Variants in SMPD4 observed in about 807,000 individuals in gnomAD.
The protein encoded by SMPD4 is neutral sphingomyelinase 3.
In SMPD4, 58 loss-of-function variants were observed where a neutral mutation model predicts 97.8. The ratio of observed to expected loss-of-function variants is 0.59; its 90% confidence interval spans 0.48 to 0.74. SMPD4 has a LOEUF of 0.74. Among genes scored for constraint, SMPD4 ranks in the 30% least tolerant of loss-of-function variants. The probability of loss-of-function intolerance (pLI) is 0.00; values close to 1 mark genes in which losing one functional copy is unlikely to be tolerated. For synonymous variants in SMPD4, 388 were observed against 450.0 expected (o/e 0.86, Z 1.74); for missense variants, 853 against 1,080.5 (o/e 0.79, Z 2.95).
intron 10 of SMPD4, among the ~76,000 whole-genome samples, chr2:130,162,461 C>G (rs1447561386): frequency 2.6e-5 from 4 of 152,142 alleles, no homozygotes; most frequent in African/African-American, 9.7e-5. Flanking sequence ...CCCTCCACAG[C>G]CTTCCTCTGT....
chr2:130,152,347 G>A lies in SMPD4; in HGVS notation c.*208C>T. 1.6e-6 allele frequency: 1 copy of A among 606,450 alleles called. No individual in the cohort carries two copies. The allele number at this position is 606,450 out of a possible 1,614,324, so 37.6% of individuals were successfully genotyped here. ...CGCTGTCACAGAGCGTAGCTGTTGA[G>A]CCCTGGCAGCTACTCCTTTGCTGGG... On this transcript the variant is annotated 3_prime_UTR_variant, in exon 20 of 20. Transcript: ENST00000680298.
At chr2:130,154,810 G>A (rs1408225806) in intron 15 of SMPD4, 2 of 597,254 alleles carry the variant, frequency 3.3e-6, no homozygotes, top group Non-Finnish European at 5.9e-6. Flanking sequence ...CGAGTTGCCA[G>A]GGAGAAACAG....
chr2:130,173,978 A>AC (rs201337297), intron 3 of SMPD4, among the ~76,000 whole-genome samples: 3 of 152,112 alleles, frequency 2.0e-5, no homozygotes, highest in East Asian at 1.9e-4. Context: ...AATTTAAAAA[A>AC]AAACAAACAA....
Position 130,153,182 on chromosome 2 carries a change from A to C in SMPD4, c.2026-11T>G. On this transcript the variant is annotated splice_polypyrimidine_tract_variant and intron_variant, in intron 18 of 19. Coordinates refer to ENST00000680298, the MANE Select transcript of SMPD4 (RefSeq NM_017951.5). ...CAGCCCATTGATGATCTAGAAAGCC[A>C]GGCCATGGGGATGGGTCAGAAAACA... 6.2e-7 allele frequency: 1 copy of C among 1,613,724 alleles called. No individual in the cohort carries two copies. Among genetic ancestry groups the C allele is most frequent in the Non-Finnish European group, 8.5e-7 (1 of 1,179,996 alleles).
At chr2:130,153,607 C>T in intron 17 of SMPD4, 95 bp downstream of exon 17, 1 of 1,551,138 alleles carries the variant, frequency 6.4e-7, no homozygotes, top group Non-Finnish European at 8.8e-7. Context: ...TGTGTGGGGC[C>T]TGGGACTGGT....
At chr2:130,163,195 A>T (rs1283064931) in intron 10 of SMPD4, among the ~76,000 whole-genome samples, 3 of 152,242 alleles carry the variant, frequency 2.0e-5, no homozygotes, top group Non-Finnish European at 2.9e-5. Flanking sequence ...GCCCCACGGG[A>T]GGAGCAGGCT....
chr2:130,175,594 T>C (rs2104913961), intron 2 of SMPD4, among the ~76,000 whole-genome samples: 1 of 152,248 alleles, frequency 6.6e-6, no homozygotes, highest in Admixed American at 6.5e-5. Flanking sequence ...ACACTAATCA[T>C]GAAGGCAATG....
At chr2:130,161,989 G>C (rs1265012890) in intron 10 of SMPD4, among the ~76,000 whole-genome samples, 7 of 152,246 alleles carry the variant, frequency 4.6e-5, no homozygotes, top group Admixed American at 4.6e-4. Flanking sequence ...CCCAAGGGTA[G>C]CACAGAGACG....
chr2:130,155,924 G>T lies in SMPD4; in HGVS notation c.1289+111C>A. 6 of 1,090,028 alleles carry T rather than the reference G, an allele frequency of 5.5e-6. No individual in the cohort carries two copies. The South Asian group carries it at 7.1e-5, about 13-fold the overall frequency. The allele number at this position is 1,090,028 out of a possible 1,614,324, so 67.5% of individuals were successfully genotyped here. ...GGAGAGGACTTCAGGAGGCCACGGG[G>T]GCCAGGGCCAGGCTGACCCCAGCAC... is the stretch of plus-strand genomic sequence containing the variant. On this transcript the variant is annotated intron_variant, in intron 14 of 19. Coordinates refer to ENST00000680298, the MANE Select transcript of SMPD4 (RefSeq NM_017951.5).
Position 130,166,308 on chromosome 2 carries a change from C to CAA in SMPD4, c.792+1148_792+1149dup, listed in dbSNP as rs56226182. 3.3e-3 allele frequency among the ~76,000 whole-genome samples: 199 copies of CAA among 60,888 alleles called. 2 individuals are homozygous for CAA. The highest frequency in any genetic ancestry group is 0.011 in the African/African-American group (175 of 16,222). 39.9% of individuals were successfully genotyped at this position (60,888 alleles called of 152,430 possible). A position where few individuals can be genotyped will look rare whatever the true frequency, so the allele number is the denominator to read the frequency against. On this transcript the variant is annotated intron_variant, in intron 9 of 19. Coordinates refer to ENST00000680298, the MANE Select transcript of SMPD4 (RefSeq NM_017951.5). ...TGGACAACAGAGGGAGACTCCATCT[C>CAA]AAAAAAAAAAAAAAAAAAAAAAAAA...
intron 14 of SMPD4, among the ~76,000 whole-genome samples, chr2:130,155,673 GA>G (rs1311957197): frequency 3.9e-5 from 6 of 152,130 alleles, no homozygotes; most frequent in South Asian, 2.1e-4. Flanking sequence ...AGCAGGGGAT[GA>G]GGGGAAGACA....
At chr2:130,168,741 A>C (rs1451580194) in intron 8 of SMPD4, among the ~76,000 whole-genome samples, 1 of 135,090 alleles carries the variant, frequency 7.4e-6, no homozygotes, top group Non-Finnish European at 1.6e-5. Flanking sequence ...TTTTTGGTTG[A>C]GATACGGTCT....
At position 130,157,162 on chromosome 2, in the gene SMPD4, A is replaced by G; in HGVS notation, c.1097+89T>C. 7 of 1,505,434 alleles carry G rather than the reference A, an allele frequency of 4.6e-6. No individual in the cohort carries two copies. In the South Asian group the frequency reaches 6.4e-5, roughly 14 times the overall value. 93.3% of individuals were successfully genotyped at this position (1,505,434 alleles called of 1,614,324 possible). The stretch of plus-strand genomic sequence containing the variant: ...AGGGACTCCCCTCACCCTGCCCTCC[A>G]TGCCCTGGGGAGAGGTCGCTGTGGG... On this transcript the variant is annotated intron_variant, in intron 12 of 19. Transcript: ENST00000680298.
chr2:130,173,425 T>G, intron 4 of SMPD4, 71 bp from the exon 5 acceptor site: 2 of 1,597,640 alleles, frequency 1.3e-6, no homozygotes, highest in Non-Finnish European at 1.7e-6. Context: ...TTTGATTGTT[T>G]CTTAATCTTG....
chr2:130,153,045 T>C lies in SMPD4; in HGVS notation c.2152A>G (p.Arg718Gly), dbSNP rs1220630568. The C allele has an allele frequency of 6.2e-7, 1 of 1,610,704 alleles. No individual in the cohort carries two copies. Among genetic ancestry groups the C allele is most frequent in the South Asian group, 1.1e-5 (1 of 90,930 alleles). ...LFRLSSAINH[R>G]FAGQMAALCS... Reference sequence around the variant, plus strand: ...GGCCAGCCCTCCTGCCCACTCACTCTGTGGTTGATGGCAGACGACAGCCTA... The same window carrying C: ...GGCCAGCCCTCCTGCCCACTCACTCCGTGGTTGATGGCAGACGACAGCCTA... Residue 718 changes from arginine (R) to glycine (G), a missense_variant and splice_region_variant, in exon 19 of 20, where the codon AGA (arginine) becomes GGA (glycine). This residue lies in a region of SMPD4 where 511 missense variants were observed against 608.1 expected (regional missense o/e 0.84). Transcript: ENST00000680298.
In SMPD4 at chr2:130,181,553, G is replaced by T. The variant is rs375402672; in HGVS notation, c.-69C>A. ...ACCTGTGGGATCCATAGCGTCGCTC[G>T]CCTCAGAGATGGAAGCCGCCATTCC... On this transcript the variant is annotated 5_prime_UTR_variant, in exon 1 of 20. Transcript: ENST00000680298. 2.6e-5 allele frequency: 41 copies of T among 1,606,114 alleles called. 2 individuals carry two copies. The African/African-American group carries it at 3.9e-4, about 15-fold the overall frequency.
chr2:130,174,495 C>T (rs1005255936), intron 3 of SMPD4, among the ~76,000 whole-genome samples: 5 of 152,194 alleles, frequency 3.3e-5, no homozygotes, highest in African/African-American at 9.7e-5. Context: ...GATTTAAATA[C>T]ATATTTTTAG....
intron 1 of SMPD4, among the ~76,000 whole-genome samples, chr2:130,180,161 T>C (rs1240255223): frequency 7.2e-6 from 1 of 139,526 alleles, no homozygotes; most frequent in African/African-American, 2.7e-5. Flanking sequence ...AGACAGGGTT[T>C]CACGTGTTAG....
At chr2:130,161,068 G>C (rs1042318049) in intron 11 of SMPD4, 118 bp downstream of exon 11, 1 of 956,188 alleles carries the variant, frequency 1.0e-6, no homozygotes, top group African/African-American at 1.6e-5. Flanking sequence ...CGACACAGGG[G>C]CTTCGTTCTG....
Sources: allele counts gnomAD v4.1 joint callset (sites outside exome capture counted in the v4.1 genomes callset), GRCh38; gene constraint gnomAD v4.1.1; regional missense constraint gnomAD v4.1.1; transcripts MANE v1.5; gene names NCBI Gene and HGNC (gene_info 2026-07-23, HGNC 2026-07-21).